Variants in F13A1 observed in about 807,000 individuals in gnomAD.
F13A1 encodes coagulation factor XIII A chain.
Under a neutral mutation model 80.1 loss-of-function variants are expected in F13A1, and 47 were observed. The ratio of observed to expected loss-of-function variants is 0.59; its 90% confidence interval spans 0.46 to 0.75. The LOEUF is 0.75. Among genes scored for constraint, F13A1 ranks in the 30% least tolerant of loss-of-function variants. F13A1 has a pLI of 0.00. For synonymous variants in F13A1, 349 were observed against 344.9 expected, an observed-to-expected ratio of 1.01 and a Z score of -0.13; for missense variants, 817 against 930.4, an observed-to-expected ratio of 0.88 and a Z score of 1.59.
At chr6:6,241,295 T>G (rs1273565534) in intron 6 of F13A1, among the ~76,000 whole-genome samples, 1 of 152,182 alleles carries the variant, frequency 6.6e-6, no homozygotes, top group Non-Finnish European at 1.5e-5. Context: ...GCAGGTAGGC[T>G]GTTGTCGCTT....
intron 2 of F13A1, among the ~76,000 whole-genome samples, chr6:6,309,503 G>A (rs911925398): frequency 2.0e-5 from 3 of 152,212 alleles, no homozygotes; most frequent in Non-Finnish European, 2.9e-5. Flanking sequence ...GCAAGAGAGT[G>A]CATAGTTGCT....
At chr6:6,234,755 G>A (rs2113078931) in intron 6 of F13A1, among the ~76,000 whole-genome samples, 1 of 152,066 alleles carries the variant, frequency 6.6e-6, no homozygotes, top group South Asian at 2.1e-4. Flanking sequence ...AGGAAAACCT[G>A]TTAAGAAATG....
chr6:6,317,560 G>C (rs1294395131), intron 2 of F13A1, among the ~76,000 whole-genome samples: 1 of 152,092 alleles, frequency 6.6e-6, no homozygotes, highest in Non-Finnish European at 1.5e-5. Flanking sequence ...CTGGGCAAGT[G>C]TCTGGCTTGC....
intron 8 of F13A1, among the ~76,000 whole-genome samples, chr6:6,214,802 AAGAG>A (rs1421703138): frequency 9.3e-5 from 5 of 53,512 alleles, no homozygotes; most frequent in South Asian, 1.5e-3. Context: ...TAAAGAAAAA[AAGAG>A]AGAAGAATCA....
intron 6 of F13A1, among the ~76,000 whole-genome samples, chr6:6,228,753 A>G (rs1051799986): frequency 1.1e-4 from 16 of 150,880 alleles, no homozygotes; most frequent in African/African-American, 3.2e-4. Context: ...AAAAAAAAAA[A>G]GCTGATCTTT....
rs185872839 is a variant in F13A1 at position 6,223,824 on chromosome 6, G to A, written c.973+862C>T. Among the ~76,000 whole-genome samples, 301 of 152,140 alleles carry A rather than the reference G, an allele frequency of 2.0e-3. 3 individuals carry two copies. Among genetic ancestry groups the A allele is most frequent in the African/African-American group, 7.0e-3 (292 of 41,510 alleles). ...TTTGTTTTTGATTTAAAAAATGTTAGCTAGGTAAAAATTCTTTATTAATGA... is the reference window on the plus strand; with the variant it reads ...TTTGTTTTTGATTTAAAAAATGTTAACTAGGTAAAAATTCTTTATTAATGA... On this transcript the variant is annotated intron_variant, in intron 7 of 14. Coordinates refer to ENST00000264870, the MANE Select transcript of F13A1 (RefSeq NM_000129.4).
intron 4 of F13A1, among the ~76,000 whole-genome samples, chr6:6,262,989 AT>A (rs56102653): frequency 0.094 from 14,336 of 152,260 alleles, 776 homozygotes; most frequent in African/African-American, 0.11. Flanking sequence ...GAATGCCTGC[AT>A]GGGGGACTGA....
At chr6:6,309,669 A>G (rs1758563350) in intron 2 of F13A1, among the ~76,000 whole-genome samples, 1 of 152,196 alleles carries the variant, frequency 6.6e-6, no homozygotes, top group Non-Finnish European at 1.5e-5. Context: ...CTGAAACAGC[A>G]AACTGACATG....
At chr6:6,204,423 G>A (rs932418927) in intron 8 of F13A1, among the ~76,000 whole-genome samples, 12 of 152,250 alleles carry the variant, frequency 7.9e-5, no homozygotes, top group Non-Finnish European at 1.6e-4. Flanking sequence ...AAACTGGCAG[G>A]GGGTGAAAGA....
At chr6:6,306,766 A>G (rs1371405804) in intron 2 of F13A1, among the ~76,000 whole-genome samples, 1 of 152,206 alleles carries the variant, frequency 6.6e-6, no homozygotes, top group African/African-American at 2.4e-5. Context: ...TATAAGCACC[A>G]TGTGCGCAGA....
In F13A1 at chr6:6,250,528, G is replaced by C. The variant is rs1300822270; in HGVS notation, c.690+283C>G. On this transcript the variant is annotated intron_variant, in intron 5 of 14. Transcript: ENST00000264870. This position sits in a 1 kb window ranked among gnomAD's most constrained non-coding sequence, Gnocchi z 4.2. Reference sequence around the variant, plus strand: ...CAGGTTGAACTAATGAGATTTCACTGTTCTAAGTGGCCAAAGCATTTCTCA... The same window carrying C: ...CAGGTTGAACTAATGAGATTTCACTCTTCTAAGTGGCCAAAGCATTTCTCA... 6.6e-6 allele frequency among the ~76,000 whole-genome samples: 1 copy of C among 151,990 alleles called. No homozygotes were observed. Among genetic ancestry groups the C allele is most frequent in the Non-Finnish European group, 1.5e-5 (1 of 68,004 alleles).
intron 10 of F13A1, among the ~76,000 whole-genome samples, chr6:6,186,201 T>C (rs1761077816): frequency 6.7e-6 from 1 of 149,994 alleles, no homozygotes; most frequent in South Asian, 2.2e-4. Flanking sequence ...TAGTTTCTTT[T>C]GCTGTGCAGA....
At chr6:6,192,756 C>T (rs925850181) in intron 10 of F13A1, among the ~76,000 whole-genome samples, 4 of 152,128 alleles carry the variant, frequency 2.6e-5, no homozygotes, top group African/African-American at 9.7e-5. Context: ...CCAGTTATTG[C>T]TCCTGTCAAA....
At chr6:6,301,392 A>G (rs548478347) in intron 3 of F13A1, among the ~76,000 whole-genome samples, 4 of 152,174 alleles carry the variant, frequency 2.6e-5, no homozygotes, top group South Asian at 2.1e-4. Flanking sequence ...CCTTTCTTGT[A>G]TCTACAACAG....
rs559857127 is a variant in F13A1, at chr6:6,165,927, T to C, written c.1908+1531A>G. ...CAGAGGCGAAGGAAACAAAGAGACA[T>C]GACAATGTAGGCCTTTGTAGAAAAG... On this transcript the variant is annotated intron_variant, in intron 13 of 14. Coordinates refer to ENST00000264870, the MANE Select transcript of F13A1 (RefSeq NM_000129.4). Among the ~76,000 whole-genome samples, 13 of 152,374 alleles carry C rather than the reference T, an allele frequency of 8.5e-5. No homozygotes were observed. The South Asian group carries it at 2.7e-3, about 32-fold the overall frequency.
intron 3 of F13A1, among the ~76,000 whole-genome samples, chr6:6,298,783 C>G (rs1758372731): frequency 6.7e-6 from 1 of 149,450 alleles, no homozygotes; most frequent in South Asian, 2.1e-4. Flanking sequence ...GAATTTGATC[C>G]TGTCATTATG....
chr6:6,293,896 T>C (rs1758274318), intron 3 of F13A1, among the ~76,000 whole-genome samples: 1 of 151,446 alleles, frequency 6.6e-6, no homozygotes, highest in Non-Finnish European at 1.5e-5. Context: ...AACAGCAACA[T>C]AGGGAAACTC....
At chr6:6,292,920 C>A (rs564421949) in intron 3 of F13A1, among the ~76,000 whole-genome samples, 9 of 152,352 alleles carry the variant, frequency 5.9e-5, no homozygotes, top group Admixed American at 3.3e-4. Context: ...AATACTTTCA[C>A]AGCTTGCCTT....
At chr6:6,207,679 G>A (rs187730966) in intron 8 of F13A1, among the ~76,000 whole-genome samples, 93 of 152,240 alleles carry the variant, frequency 6.1e-4, no homozygotes, top group African/African-American at 2.1e-3. Flanking sequence ...AACTGCCTGC[G>A]GGTTAATTAA....
Sources: allele counts gnomAD v4.1 joint callset (sites outside exome capture counted in the v4.1 genomes callset), GRCh38; gene constraint gnomAD v4.1.1; non-coding constraint Gnocchi (gnomAD v3.1); transcripts MANE v1.5; gene names NCBI Gene and HGNC (gene_info 2026-07-23, HGNC 2026-07-21).